PCDHA11: variants seen among roughly 807,000 people sequenced by gnomAD.
The protein encoded by PCDHA11 is protocadherin alpha-11.
In PCDHA11, 61 loss-of-function variants were observed where a neutral mutation model predicts 70.3. The observed-to-expected ratio is 0.87, with a 90% CI of 0.71 to 1.07. The LOEUF is 1.07. Ranked by LOEUF, PCDHA11 falls within the 50% of genes least tolerant of loss-of-function variation. The pLI is 0.00. For synonymous variants in PCDHA11, 633 were observed against 555.1 expected, an observed-to-expected ratio of 1.14 and a Z score of -1.97; for missense variants, 1,324 against 1,237.5, an observed-to-expected ratio of 1.07 and a Z score of -1.05.
At chr5:140,927,436 T>A (rs776039540) in intron 1 of PCDHA11, 1 of 1,614,132 alleles carries the variant, frequency 6.2e-7, no homozygotes, top group Non-Finnish European at 8.5e-7. Context: ...CGGCAGCGAA[T>A]ACCCGGAGTT....
chr5:140,950,605 A>T (rs1199751655), intron 1 of PCDHA11, among the ~76,000 whole-genome samples: 1 of 151,926 alleles, frequency 6.6e-6, no homozygotes, highest in Non-Finnish European at 1.5e-5. Flanking sequence ...TTTGACTATG[A>T]TGTGCTTATT....
chr5:140,899,140 G>A (rs2067159296), intron 1 of PCDHA11, among the ~76,000 whole-genome samples: 1 of 152,090 alleles, frequency 6.6e-6, no homozygotes, highest in Non-Finnish European at 1.5e-5. Flanking sequence ...CTGCAAACAG[G>A]GACAATTTGA....
chr5:140,921,002 C>T (rs909094860), intron 1 of PCDHA11, among the ~76,000 whole-genome samples: 4 of 151,934 alleles, frequency 2.6e-5, no homozygotes, highest in Admixed American at 6.6e-5. Context: ...TTTTCAGAGT[C>T]AGGGTCTTGC....
intron 1 of PCDHA11, among the ~76,000 whole-genome samples, chr5:140,942,305 G>A (rs2093264176): frequency 6.6e-6 from 1 of 152,106 alleles, no homozygotes; most frequent in Non-Finnish European, 1.5e-5. Context: ...AGCTACTTGG[G>A]AGGTCGAGGC....
chr5:140,904,700 C>A (rs1228017325), intron 1 of PCDHA11, among the ~76,000 whole-genome samples: 1 of 152,028 alleles, frequency 6.6e-6, no homozygotes, highest in Non-Finnish European at 1.5e-5. Flanking sequence ...AAATTGTTCC[C>A]TTTTCACCAC....
intron 1 of PCDHA11, among the ~76,000 whole-genome samples, chr5:140,978,203 C>T (rs1231262283): frequency 6.6e-6 from 1 of 152,178 alleles, no homozygotes; most frequent in East Asian, 1.9e-4. Context: ...CAATACACAA[C>T]TAATGCAAAA....
chr5:140,901,546 T>C (rs2068734079), intron 1 of PCDHA11, among the ~76,000 whole-genome samples: 1 of 152,212 alleles, frequency 6.6e-6, no homozygotes, highest in Non-Finnish European at 1.5e-5. Flanking sequence ...TCTATTCTGT[T>C]CCATTCATCT....
rs200493520 is a variant in PCDHA11 at position 140,928,140 on chromosome 5, G to T, written c.2392-50809G>T. ...TCAGTGAATACCAAGTCCTGATCAC[G>T]GCCTCAGATAGTGGCTCACCCCCAC... On this transcript the variant is annotated intron_variant, in intron 1 of 3. Transcript: ENST00000398640. The T allele has an allele frequency of 2.5e-6, 4 of 1,614,154 alleles. No homozygotes were observed. In the East Asian group the frequency reaches 6.7e-5, roughly 27 times the overall value.
chr5:140,914,020 C>T (rs2076562854), intron 1 of PCDHA11, among the ~76,000 whole-genome samples: 1 of 152,036 alleles, frequency 6.6e-6, no homozygotes, highest in African/African-American at 2.4e-5. Context: ...GAGAATGATC[C>T]ACGTGCTGAG....
At chr5:140,965,015 C>A (rs187456244) in intron 1 of PCDHA11, among the ~76,000 whole-genome samples, 116 of 152,260 alleles carry the variant, frequency 7.6e-4, no homozygotes, top group Non-Finnish European at 1.2e-3. Context: ...AGGATCACAA[C>A]CTTGGCTCCT....
intron 1 of PCDHA11, among the ~76,000 whole-genome samples, chr5:140,903,175 A>G (rs1554190800): frequency 1.3e-5 from 2 of 152,170 alleles, no homozygotes; most frequent in Non-Finnish European, 2.9e-5. Context: ...TTACATTCCC[A>G]CCAATAGTAT....
intron 1 of PCDHA11, chr5:140,966,814 C>T: frequency 1.9e-6 from 3 of 1,552,444 alleles, no homozygotes; most frequent in East Asian, 2.4e-5. Context: ...ATCCACGGCT[C>T]CGGCGGCCCA....
At chr5:140,924,901 A>AAAAAT (rs10667761) in intron 1 of PCDHA11, among the ~76,000 whole-genome samples, 10,380 of 79,870 alleles carry the variant, frequency 0.13, 426 homozygotes, top group East Asian at 0.37. Context: ...TCTCAAAAAA[A>AAAAAT]AAAATAAAAT....
At chr5:140,944,995 T>A (rs246062) in intron 1 of PCDHA11, among the ~76,000 whole-genome samples, 85,717 of 151,900 alleles carry the variant, frequency 0.56, 24,795 homozygotes, top group African/African-American at 0.69. Flanking sequence ...TCTGTAACGG[T>A]TGTGGGTCAT....
At chr5:140,882,755 G>C (rs1554175453) in intron 1 of PCDHA11, 3 of 1,614,112 alleles carry the variant, frequency 1.9e-6, no homozygotes, top group Non-Finnish European at 2.5e-6. Context: ...TGCAGATATT[G>C]GAGTAAACTC....
chr5:140,914,785 C>G (rs2153531678), intron 1 of PCDHA11, among the ~76,000 whole-genome samples: 1 of 151,672 alleles, frequency 6.6e-6, no homozygotes, highest in Non-Finnish European at 1.5e-5. Context: ...ATCTTATGAC[C>G]CATTATTTTA....
At chr5:140,875,524 C>T in intron 1 of PCDHA11, 1 of 1,614,084 alleles carries the variant, frequency 6.2e-7, no homozygotes, top group East Asian at 2.2e-5. Context: ...GCTGCTCTCG[C>T]TTCTGCTCCT....
At chr5:141,006,423 C>T (rs1554260738) in intron 3 of PCDHA11, among the ~76,000 whole-genome samples, 1 of 152,060 alleles carries the variant, frequency 6.6e-6, no homozygotes, top group African/African-American at 2.4e-5. Context: ...CTGTGTTAGC[C>T]AGGATGGTCT....
At chr5:140,981,111 T>C (rs1275828842) in intron 2 of PCDHA11, among the ~76,000 whole-genome samples, 3 of 152,232 alleles carry the variant, frequency 2.0e-5, no homozygotes, top group African/African-American at 2.4e-5. Context: ...GAATTTCTAC[T>C]GGATATGTTG....
Sources: gnomAD v4.1 joint callset for allele counts (sites outside exome capture counted in the v4.1 genomes callset) on GRCh38, gnomAD v4.1.1 for gene constraint, MANE v1.5 for transcripts, NCBI Gene and HGNC (gene_info 2026-07-23, HGNC 2026-07-21) for gene names.